Variants in SPEN observed in about 807,000 individuals in gnomAD.
The protein encoded by SPEN is spen family transcriptional repressor.
A neutral mutation model predicts 269.9 loss-of-function variants in SPEN; 18 were observed. The ratio of observed to expected loss-of-function variants is 0.07; its 90% CI spans 0.05 to 0.10. The LOEUF (loss-of-function observed/expected upper bound fraction) is 0.10, where lower values mean the gene tolerates loss of function less well. SPEN is among the 10% of genes least tolerant of loss of function. SPEN has a pLI of 1.00. For missense variants in SPEN, 3,822 were observed against 4,631.2 expected, an observed-to-expected ratio of 0.83 and a Z score of 5.07; for synonymous variants, 1,726 against 1,765.7, an observed-to-expected ratio of 0.98 and a Z score of 0.56.
chr1:15,854,495 GTTTGTT>G (rs2070366396), intron 1 of SPEN, among the ~76,000 whole-genome samples: 1 of 151,008 alleles, frequency 6.6e-6, no homozygotes. Flanking sequence ...GTTTTTTTTT[GTTTGTT>G]TTTGAGACGG....
At position 15,937,933 on chromosome 1, in the gene SPEN, G is replaced by A; in HGVS notation, c.10631G>A (p.Gly3544Glu). ...AHRSLPLSEG[G>E]PPLRIAQRMR... The stretch of plus-strand genomic sequence containing the variant: ...CGGTCCCTGCCCCTTTCTGAAGGAG[G>A]GCCCCCACTAAGGATCGCCCAGAGG... Residue 3544 changes from glycine to glutamate, a missense_variant, in exon 13 of 15, where the codon GGG becomes GAG. Physicochemically the swap from Gly to Glu is moderately conservative, Grantham distance 98 (BLOSUM62 -2). Around this residue, in one of 16 missense-constraint regions of SPEN, gnomAD observed 103 missense variants for 215.8 expected, o/e 0.48. Coordinates refer to ENST00000375759, the MANE Select transcript of SPEN (RefSeq NM_015001.3). This position sits in a 1 kb window ranked among gnomAD's most constrained non-coding sequence, Gnocchi z 5.7. The A allele has an allele frequency of 2.5e-6, 4 of 1,614,114 alleles. No homozygotes were observed. Among genetic ancestry groups the A allele is most frequent in the Non-Finnish European group, 3.4e-6 (4 of 1,180,012 alleles).
chr1:15,936,050 C>T lies in SPEN; in HGVS notation c.9810C>T (p.Leu3270=). 6.3e-7 allele frequency: 1 copy of T among 1,591,420 alleles called. No individual in the cohort carries two copies. Among genetic ancestry groups the T allele is most frequent in the Non-Finnish European group, 8.6e-7 (1 of 1,165,878 alleles). Residue 3270 remains leucine (L), a synonymous_variant, in exon 11 of 15, where the codon CTC becomes CTT. Transcript: ENST00000375759. The part of the protein sequence containing the change: ...APAPHGEARI[L]TVTPSNQLQG... Reference sequence around the variant, plus strand: ...CCCCTCATGGTGAGGCCCGTATCCTCACAGTTACCCCCAGTAACCAACTCC... The same window carrying T: ...CCCCTCATGGTGAGGCCCGTATCCTTACAGTTACCCCCAGTAACCAACTCC...
intron 1 of SPEN, among the ~76,000 whole-genome samples, chr1:15,854,927 T>C (rs1050064544): frequency 2.0e-5 from 3 of 152,178 alleles, no homozygotes; most frequent in Non-Finnish European, 4.4e-5. Flanking sequence ...GTCTGCCAAG[T>C]TGAAGATTAC....
At chr1:15,908,340 A>T (rs1284331514) in intron 3 of SPEN, among the ~76,000 whole-genome samples, 1 of 152,144 alleles carries the variant, frequency 6.6e-6, no homozygotes, top group Non-Finnish European at 1.5e-5. Flanking sequence ...CTGGGATTAT[A>T]GGTGTGAGCC....
Position 15,937,431 on chromosome 1 carries a change from C to T in SPEN, c.10295C>T (p.Pro3432Leu). Residue 3432 changes from proline (P) to leucine (L), a missense_variant, in exon 12 of 15, where the codon CCC becomes CTC. Physicochemically the swap from Pro to Leu is moderately conservative, Grantham distance 98. Transcript: ENST00000375759. This position sits in a 1 kb window ranked among gnomAD's most constrained non-coding sequence, Gnocchi z 5.7. The stretch of plus-strand genomic sequence containing the variant: ...GCAGAAACAGGCCCGACTTCCTTCC[C>T]CTCCCCTGTGTCTGTCTCCATGAAG... ...AQAETGPTSF[P>L]SPVSVSMKPD... is the part of the protein sequence containing the mutation. The T allele has an allele frequency of 6.2e-7, 1 of 1,613,788 alleles. No homozygotes were observed. Among genetic ancestry groups the T allele is most frequent in the East Asian group, 2.2e-5 (1 of 44,870 alleles).
In SPEN at chr1:15,848,453, G is replaced by C. The variant is rs1361428343; in HGVS notation, c.83+303G>C. 6.6e-6 allele frequency among the ~76,000 whole-genome samples: 1 copy of C among 151,712 alleles called. No homozygotes were observed. The highest frequency in any genetic ancestry group is 1.9e-4 in the East Asian group (1 of 5,156). On this transcript the variant is annotated intron_variant, in intron 1 of 14. Transcript: ENST00000375759. The surrounding 1 kb of genome is among the most constrained non-coding windows in gnomAD (Gnocchi z 5.1). ...CAGCCGGCGCCCCGGGGCTGCCCTC[G>C]CGTCAGCCCGGGAGTCGGTGGGAGA...
chr1:15,861,405 C>T (rs2070447442), intron 1 of SPEN, among the ~76,000 whole-genome samples: 1 of 152,090 alleles, frequency 6.6e-6, no homozygotes, highest in Non-Finnish European at 1.5e-5. Flanking sequence ...GCTGGGATTA[C>T]AGGTGTGAGC....
At chr1:15,880,480 CA>C (rs1290030100) in intron 3 of SPEN, among the ~76,000 whole-genome samples, 1 of 107,130 alleles carries the variant, frequency 9.3e-6, no homozygotes, top group Non-Finnish European at 1.8e-5. Context: ...TTTTTTGAGA[CA>C]GGGTCTCACT....
intron 2 of SPEN, among the ~76,000 whole-genome samples, chr1:15,875,529 C>T (rs951550154): frequency 6.6e-6 from 1 of 151,622 alleles, no homozygotes; most frequent in Non-Finnish European, 1.5e-5. Flanking sequence ...TGTGGTAACC[C>T]AATATTTTGA....
intron 3 of SPEN, among the ~76,000 whole-genome samples, chr1:15,879,116 A>G (rs2070662631): frequency 6.6e-6 from 1 of 150,942 alleles, no homozygotes; most frequent in Admixed American, 6.6e-5. Context: ...AGGTGGGTAG[A>G]TCACTTGAGG....
chr1:15,921,323 C>A (rs1250077298), intron 9 of SPEN, among the ~76,000 whole-genome samples: 1 of 152,048 alleles, frequency 6.6e-6, no homozygotes, highest in Non-Finnish European at 1.5e-5. Flanking sequence ...GAGTAAGACT[C>A]CATCTCCAAA....
chr1:15,891,676 G>A (rs150635780), intron 3 of SPEN, among the ~76,000 whole-genome samples: 1 of 151,934 alleles, frequency 6.6e-6, no homozygotes, highest in Non-Finnish European at 1.5e-5. Flanking sequence ...GTTTTTAAGC[G>A]ATAGGGTCTC....
chr1:15,893,223 T>G (rs943672260), intron 3 of SPEN, among the ~76,000 whole-genome samples: 3 of 152,200 alleles, frequency 2.0e-5, no homozygotes, highest in Non-Finnish European at 4.4e-5. Context: ...TGGAATTCAG[T>G]TGTTGGAATT....
chr1:15,877,617 A>G (rs138598909), intron 3 of SPEN, among the ~76,000 whole-genome samples: 1 of 152,294 alleles, frequency 6.6e-6, no homozygotes, highest in African/African-American at 2.4e-5. Flanking sequence ...AATCTTAATA[A>G]GAAACTTAGC....
intron 6 of SPEN, among the ~76,000 whole-genome samples, chr1:15,916,537 G>T (rs951547951): frequency 7.8e-6 from 1 of 128,094 alleles, no homozygotes; most frequent in South Asian, 2.5e-4. Flanking sequence ...TTGAGACAGA[G>T]TATCACTCTG....
At chr1:15,884,561 A>G (rs932980517) in intron 3 of SPEN, among the ~76,000 whole-genome samples, 7 of 152,120 alleles carry the variant, frequency 4.6e-5, no homozygotes, top group African/African-American at 1.7e-4. Context: ...AAAAACAGGT[A>G]TGTGCATTCA....
chr1:15,896,826 G>T (rs143061239), intron 3 of SPEN, among the ~76,000 whole-genome samples: 1 of 152,168 alleles, frequency 6.6e-6, no homozygotes, highest in Admixed American at 6.6e-5. Context: ...GTGTTAGCCT[G>T]GTGTGGTGGC....
At position 15,936,258 on chromosome 1, in the gene SPEN, G is replaced by A. The variant is rs767548101; in HGVS notation, c.10018G>A (p.Ala3340Thr). 51 of 1,543,114 alleles carry A rather than the reference G, an allele frequency of 3.3e-5. No homozygotes were observed. The highest frequency in any genetic ancestry group is 4.3e-5 in the Non-Finnish European group (49 of 1,136,970). ...TGGCCTGCCTTCCCGGACCAAGACA[G>A]CTGCTCAGGTGAGCCAGCCAGGTAT... ...SVGLPSRTKTAAQGPPPEGEP... is the reference protein window; with the variant it reads ...SVGLPSRTKTTAQGPPPEGEP... Residue 3340 changes from alanine (A) to threonine (T), a missense_variant, in exon 11 of 15, where the codon GCT (alanine) becomes ACT (threonine). Physicochemically the swap from Ala to Thr is moderately conservative, Grantham distance 58. Coordinates refer to ENST00000375759, the MANE Select transcript of SPEN (RefSeq NM_015001.3).
At position 15,932,145 on chromosome 1, in the gene SPEN, A is replaced by C. The variant is rs370226372; in HGVS notation, c.5905A>C (p.Lys1969Gln). Residue 1969 changes from lysine to glutamine, a missense_variant, in exon 11 of 15, where the codon AAG becomes CAG. Transcript: ENST00000375759. The surrounding 1 kb of genome is among the most constrained non-coding windows in gnomAD (Gnocchi z 4.2). ...RADEEEENEA[K>Q]EPAETLKPPE... ...CGATGAAGAGGAGGAGAACGAGGCCAAGGAACCTGCAGAAACACTCAAGCC... is the reference window on the plus strand; with the variant it reads ...CGATGAAGAGGAGGAGAACGAGGCCCAGGAACCTGCAGAAACACTCAAGCC... 6.2e-7 allele frequency: 1 copy of C among 1,613,282 alleles called. No homozygotes were observed. The highest frequency in any genetic ancestry group is 1.3e-5 in the African/African-American group (1 of 74,972).
Sources: allele counts gnomAD v4.1 joint callset (sites outside exome capture counted in the v4.1 genomes callset), GRCh38; gene constraint gnomAD v4.1.1; regional missense constraint gnomAD v4.1.1; non-coding constraint Gnocchi (gnomAD v3.1); transcripts MANE v1.5; gene names NCBI Gene and HGNC (gene_info 2026-07-23, HGNC 2026-07-21).